The following SNX29 variants were observed in gnomAD, a reference collection of about 807,000 sequenced individuals.
SNX29 encodes sorting nexin-29.
Under a neutral mutation model 102.1 loss-of-function variants are expected in SNX29, and 78 were observed. The ratio of observed to expected loss-of-function variants is 0.76; its 90% CI spans 0.64 to 0.92. SNX29 has a LOEUF of 0.92. SNX29 is among the 40% of genes least tolerant of loss of function. The pLI is 0.00. For missense variants in SNX29, 1,280 were observed against 1,061.7 expected (o/e 1.21, Z -2.86); for synonymous variants, 580 against 414.5 (o/e 1.40, Z -4.85).
At chr16:12,400,224 C>G (rs57907797) in intron 17 of SNX29, among the ~76,000 whole-genome samples, 1,635 of 152,318 alleles carry the variant, frequency 0.011, 31 homozygotes, top group African/African-American at 0.038. Flanking sequence ...CCCTCACTCA[C>G]CTCTGGCTTC....
intron 15 of SNX29, among the ~76,000 whole-genome samples, chr16:12,282,071 G>A (rs2079448313): frequency 8.9e-6 from 1 of 112,258 alleles, no homozygotes; most frequent in Non-Finnish European, 1.7e-5. Context: ...GCGACAGAGT[G>A]AGACTCCATC....
chr16:11,999,461 T>C (rs944639405), intron 2 of SNX29, 103 bp downstream of exon 2: 2 of 1,102,782 alleles, frequency 1.8e-6, no homozygotes, highest in Non-Finnish European at 1.3e-6. Context: ...ACTCCCACTT[T>C]ATACCTGGGA....
chr16:12,183,217 T>A (rs987093608), intron 13 of SNX29, among the ~76,000 whole-genome samples: 2 of 152,166 alleles, frequency 1.3e-5, no homozygotes, highest in African/African-American at 4.8e-5. Flanking sequence ...CTCAGGCTGG[T>A]CTTGAACTCC....
At chr16:12,202,152 C>T (rs914330084) in intron 14 of SNX29, among the ~76,000 whole-genome samples, 1 of 152,112 alleles carries the variant, frequency 6.6e-6, no homozygotes, top group African/African-American at 2.4e-5. Flanking sequence ...GTGTAAAAAG[C>T]CTCCAGGATT....
At chr16:12,011,554 C>T (rs1017832879) in intron 3 of SNX29, among the ~76,000 whole-genome samples, 6 of 152,028 alleles carry the variant, frequency 3.9e-5, no homozygotes, top group African/African-American at 1.2e-4. Context: ...GGATTATAGG[C>T]GTGAGTCACT....
At chr16:12,364,416 C>CTTT (rs1163569342) in intron 16 of SNX29, among the ~76,000 whole-genome samples, 1 of 98,776 alleles carries the variant, frequency 1.0e-5, no homozygotes, top group Non-Finnish European at 2.5e-5. Context: ...CTCTCTTCTT[C>CTTT]TTTTTTTTTT....
intron 19 of SNX29, among the ~76,000 whole-genome samples, chr16:12,487,676 A>C (rs1230851487): frequency 1.3e-5 from 2 of 152,236 alleles, no homozygotes; most frequent in Non-Finnish European, 2.9e-5. Flanking sequence ...AAGACAATTC[A>C]GAAGATGGTG....
intron 14 of SNX29, among the ~76,000 whole-genome samples, chr16:12,215,928 A>G (rs830727): frequency 0.43 from 65,083 of 151,986 alleles, 16,150 homozygotes; most frequent in Non-Finnish European, 0.57. Context: ...CTGGCCCATC[A>G]GGAGTGGTGC....
chr16:12,526,453 T>C (rs2076785768), intron 20 of SNX29: 2 of 458,436 alleles, frequency 4.4e-6, no homozygotes, highest in Non-Finnish European at 8.5e-6. Flanking sequence ...CATTATAGTA[T>C]CCTGCTGCCT....
At chr16:12,553,482 G>C (rs1464955391) in intron 20 of SNX29, among the ~76,000 whole-genome samples, 1 of 152,152 alleles carries the variant, frequency 6.6e-6, no homozygotes, top group Non-Finnish European at 1.5e-5. Flanking sequence ...CAGCTGCTTA[G>C]ACCAGGCAGG....
chr16:12,045,485 C>T (rs2050049284), intron 5 of SNX29, among the ~76,000 whole-genome samples: 1 of 152,078 alleles, frequency 6.6e-6, no homozygotes, highest in Non-Finnish European at 1.5e-5. Flanking sequence ...TGACCTTGGA[C>T]AGGCCCTGTA....
chr16:12,482,324 C>T (rs946859775), intron 19 of SNX29, among the ~76,000 whole-genome samples: 22 of 152,024 alleles, frequency 1.4e-4, no homozygotes, highest in African/African-American at 5.3e-4. Flanking sequence ...TTTCCTTTCA[C>T]AGAGTCCTGC....
intron 11 of SNX29, among the ~76,000 whole-genome samples, chr16:12,122,400 C>T (rs934516094): frequency 7.2e-5 from 11 of 151,984 alleles, no homozygotes; most frequent in African/African-American, 2.2e-4. Flanking sequence ...AGTCTCTGAG[C>T]GGAGGCAAGA....
At chr16:12,491,192 G>T (rs997927487) in intron 19 of SNX29, among the ~76,000 whole-genome samples, 2 of 152,220 alleles carry the variant, frequency 1.3e-5, no homozygotes, top group African/African-American at 4.8e-5. Flanking sequence ...TAGGTCGTTT[G>T]CAATTTTTCC....
intron 20 of SNX29, among the ~76,000 whole-genome samples, chr16:12,529,577 A>G (rs1009581544): frequency 1.3e-5 from 2 of 152,136 alleles, no homozygotes; most frequent in African/African-American, 4.8e-5. Flanking sequence ...TTGAGGAGAG[A>G]GAAAGTTAGG....
intron 13 of SNX29, among the ~76,000 whole-genome samples, chr16:12,198,201 C>T (rs2076826333): frequency 6.6e-6 from 1 of 151,986 alleles, no homozygotes. Flanking sequence ...TAGGTTTTTG[C>T]CATTGGTTAC....
intron 14 of SNX29, among the ~76,000 whole-genome samples, chr16:12,248,996 C>T (rs2078343484): frequency 6.6e-6 from 1 of 152,140 alleles, no homozygotes; most frequent in Non-Finnish European, 1.5e-5. Context: ...GCTGGGTCCA[C>T]ATGATTCTGT....
chr16:12,409,067 C>T (rs557171323), intron 18 of SNX29, among the ~76,000 whole-genome samples: 1 of 152,192 alleles, frequency 6.6e-6, no homozygotes, highest in South Asian at 2.1e-4. Context: ...CGGCATTTGA[C>T]TACTTTTCAG....
At chr16:12,561,849 C>CTCATA (rs2078742833) in intron 20 of SNX29, among the ~76,000 whole-genome samples, 1 of 152,146 alleles carries the variant, frequency 6.6e-6, no homozygotes, top group Admixed American at 6.5e-5. Flanking sequence ...GGAGGGGAGG[C>CTCATA]AGTGCCCTGG....
Sources: allele counts gnomAD v4.1 joint callset (sites outside exome capture counted in the v4.1 genomes callset), GRCh38; gene constraint gnomAD v4.1.1; transcripts MANE v1.5; gene names NCBI Gene and HGNC (gene_info 2026-07-23, HGNC 2026-07-21).